The following MAGT1 variants were observed in gnomAD, a reference collection of about 807,000 sequenced individuals.
MAGT1 encodes the protein dolichyl-diphosphooligosaccharide--protein glycosyltransferase subunit MAGT1.
In MAGT1, 4 loss-of-function variants were observed where a neutral mutation model predicts 28.4. The observed-to-expected ratio is 0.14, with a 90% CI of 0.07 to 0.32. MAGT1 has a LOEUF of 0.32. MAGT1 is among the 10% of genes least tolerant of loss of function. The pLI is 1.00. For synonymous variants in MAGT1, 89 were observed against 89.7 expected (o/e 0.99, Z 0.04); for missense variants, 193 against 264.5 (o/e 0.73, Z 1.88).
At chrX:77,853,295 A>G (rs1557215692) in intron 7 of MAGT1, among the ~76,000 whole-genome samples, 1 of 112,152 alleles carries the variant, frequency 8.9e-6, no homozygotes, top group Non-Finnish European at 1.9e-5. Flanking sequence ...TTACTGAGGA[A>G]TATTGGTCTT....
At chrX:77,895,511 CCAGCT>C, upstream of MAGT1, 1 of 1,160,619 alleles carries the variant, frequency 8.6e-7, no homozygotes, top group Non-Finnish European at 1.2e-6. Context: ...CCTCATTGGT[CCAGCT>C]CAGCCCTGCC....
rs183207709 is a variant in MAGT1, at chrX:77,854,075, C to T, written c.763-111G>A. The T allele has an allele frequency of 1.0e-4, 59 of 588,297 alleles. No homozygotes were observed. In the Admixed American group the frequency reaches 1.1e-3, roughly 11 times the overall value. The allele number at this position is 588,297 out of a possible 1,213,427, so 48.5% of individuals were successfully genotyped here. On this transcript the variant is annotated intron_variant, in intron 6 of 9. Coordinates refer to ENST00000618282, the MANE Select transcript of MAGT1 (RefSeq NM_001367916.1). ...TGAAATTATTAATTCACCTGATAAA[C>T]CATGTGACATACTCCGGGTCTGTGG...
intron 8 of MAGT1, among the ~76,000 whole-genome samples, chrX:77,839,493 G>A (rs2076929030): frequency 1.1e-5 from 1 of 92,040 alleles, no homozygotes; most frequent in Non-Finnish European, 2.2e-5. Flanking sequence ...ACAGGCATGC[G>A]CCACAACGCC....
chrX:77,885,036 T>A (rs1428655619), intron 1 of MAGT1, among the ~76,000 whole-genome samples: 1 of 94,291 alleles, frequency 1.1e-5, no homozygotes, highest in Non-Finnish European at 2.1e-5. Context: ...CACTTCAGCC[T>A]GGGTGACACA....
chrX:77,847,074 G>T (rs1557215028), intron 7 of MAGT1, among the ~76,000 whole-genome samples: 1 of 112,038 alleles, frequency 8.9e-6, no homozygotes. Context: ...GCTGCGGTGG[G>T]CTCCACCCAG....
chrX:77,848,495 ACTTTT>A (rs1362214483), intron 7 of MAGT1, among the ~76,000 whole-genome samples: 3 of 110,720 alleles, frequency 2.7e-5, no homozygotes, highest in Non-Finnish European at 5.7e-5. Flanking sequence ...AATATTGACT[ACTTTT>A]CTTTTTCTTC....
At chrX:77,839,744 TGATCC>T (rs1443160232) in intron 8 of MAGT1, among the ~76,000 whole-genome samples, 1 of 110,075 alleles carries the variant, frequency 9.1e-6, no homozygotes, top group Non-Finnish European at 1.9e-5. Context: ...CCTGACCTTG[TGATCC>T]ACCTGCCTTG....
At chrX:77,831,573 C>T (rs1273456707) in intron 8 of MAGT1, among the ~76,000 whole-genome samples, 1 of 102,579 alleles carries the variant, frequency 9.7e-6, no homozygotes, top group Admixed American at 1.2e-4. Flanking sequence ...AAGAAAATCA[C>T]CCATTTGGTT....
At chrX:77,841,396 A>C (rs2076934329) in intron 7 of MAGT1, 76 bp from the exon 8 acceptor site, 10 of 727,905 alleles carry the variant, frequency 1.4e-5, no homozygotes, top group African/African-American at 2.1e-5. Context: ...GTTTCTCATG[A>C]AGAAAATTAA....
chrX:77,879,701 T>G (rs192702596), intron 1 of MAGT1, among the ~76,000 whole-genome samples: 14 of 111,199 alleles, frequency 1.3e-4, no homozygotes, highest in Non-Finnish European at 2.5e-4. Flanking sequence ...GAAATTTAAC[T>G]GGGAATTGAC....
intron 1 of MAGT1, among the ~76,000 whole-genome samples, chrX:77,882,494 AAAAC>A (rs2077055358): frequency 8.9e-6 from 1 of 111,937 alleles, no homozygotes; most frequent in Admixed American, 9.6e-5. Flanking sequence ...GGGGCTGAGA[AAAAC>A]AAGTGTGAAG....
At chrX:77,839,423 A>G (rs1297596251) in intron 8 of MAGT1, among the ~76,000 whole-genome samples, 1 of 104,469 alleles carries the variant, frequency 9.6e-6, no homozygotes, top group Non-Finnish European at 2.0e-5. Flanking sequence ...GGCTCACTGC[A>G]ACCTCTGCCT....
chrX:77,891,952 C>CTT (rs1199895561), intron 1 of MAGT1, among the ~76,000 whole-genome samples: 4 of 104,650 alleles, frequency 3.8e-5, no homozygotes, highest in Non-Finnish European at 2.0e-5. Context: ...TATATGCACA[C>CTT]TTTTTTTTTT....
chrX:77,861,318 A>C (rs1206960576), intron 3 of MAGT1, among the ~76,000 whole-genome samples: 1 of 111,752 alleles, frequency 8.9e-6, no homozygotes, highest in Non-Finnish European at 1.9e-5. Context: ...ACAAAACCAC[A>C]ATGAGATACC....
chrX:77,894,431 T>C (rs1246248483), intron 1 of MAGT1, among the ~76,000 whole-genome samples: 1 of 112,312 alleles, frequency 8.9e-6, no homozygotes, highest in Non-Finnish European at 1.9e-5. Context: ...TTTTAGAGTA[T>C]GTGCACAGTT....
chrX:77,838,265 G>A (rs1457491386), intron 8 of MAGT1, among the ~76,000 whole-genome samples: 1 of 109,122 alleles, frequency 9.2e-6, no homozygotes, highest in South Asian at 3.9e-4. Context: ...GACCAACCTC[G>A]GCAATAAAGT....
rs535287039 is a variant in MAGT1 at position 77,894,967 on chromosome X, A to G, written c.102+342T>C. On this transcript the variant is annotated intron_variant, in intron 1 of 9. Coordinates refer to ENST00000618282, the MANE Select transcript of MAGT1 (RefSeq NM_001367916.1). The stretch of plus-strand genomic sequence containing the variant: ...AGGGAGTTACATCGGCCAGCAGTAT[A>G]GAGTCTCAGATATCCTACTCCTGGG... Among the ~76,000 whole-genome samples, 78 of 111,675 alleles carry G rather than the reference A, an allele frequency of 7.0e-4. 2 individuals are homozygous for G. The South Asian group carries it at 0.026, about 37-fold the overall frequency.
chrX:77,861,375 C>A (rs1354716324), intron 3 of MAGT1, among the ~76,000 whole-genome samples: 15 of 111,531 alleles, frequency 1.3e-4, no homozygotes, highest in African/African-American at 4.9e-4. Flanking sequence ...AACAAACAAA[C>A]AAACAAAAAA....
At chrX:77,849,608 C>T (rs1198930201) in intron 7 of MAGT1, among the ~76,000 whole-genome samples, 1 of 110,688 alleles carries the variant, frequency 9.0e-6, no homozygotes, top group Non-Finnish European at 1.9e-5. Flanking sequence ...CCGTGGATCA[C>T]GCCTGTAATC....
Sources: gnomAD v4.1 joint callset for allele counts (sites outside exome capture counted in the v4.1 genomes callset) on GRCh38, gnomAD v4.1.1 for gene constraint, MANE v1.5 for transcripts, NCBI Gene and HGNC (gene_info 2026-07-23, HGNC 2026-07-21) for gene names.